Variants in USP25 observed in about 807,000 individuals in gnomAD.
USP25 encodes ubiquitin carboxyl-terminal hydrolase 25.
A neutral mutation model predicts 158.5 loss-of-function variants in USP25; 85 were observed. The observed-to-expected ratio is 0.54, with a 90% CI of 0.45 to 0.64. The LOEUF is 0.64. Among genes scored for constraint, USP25 ranks in the 30% least tolerant of loss-of-function variants. The pLI, the probability that USP25 is intolerant of heterozygous loss-of-function variation, is 0.00. For synonymous variants in USP25, 464 were observed against 460.4 expected (o/e 1.01, Z -0.10); for missense variants, 1,242 against 1,327.3 (o/e 0.94, Z 1.00).
chr21:15,818,122 CATGGCTA>C (rs2037042405), intron 9 of USP25, among the ~76,000 whole-genome samples: 1 of 152,150 alleles, frequency 6.6e-6, no homozygotes, highest in Admixed American at 6.6e-5. Context: ...AGCACTCTGG[CATGGCTA>C]ACTCCCACTC....
At chr21:15,810,658 T>A (rs1358670977) in intron 8 of USP25, among the ~76,000 whole-genome samples, 5 of 152,176 alleles carry the variant, frequency 3.3e-5, no homozygotes, top group African/African-American at 1.2e-4. Flanking sequence ...GTTCCCTCCC[T>A]GGTGAGGGTT....
In USP25 at chr21:15,818,741, T is replaced by G; in HGVS notation, c.975T>G (p.Leu325=). ...ENTEMFGQYP[L]QVNGFKDLHE... ...CTGAAATGTTTGGTCAGTACCCACTTCAGGTCAATGGGTTCAAAGATCTGC... is the reference window on the plus strand; with the variant it reads ...CTGAAATGTTTGGTCAGTACCCACTGCAGGTCAATGGGTTCAAAGATCTGC... The change falls in exon 10 of 26, where the codon CTT becomes CTG. Residue 325 remains leucine (L), a synonymous_variant. Transcript: ENST00000400183. 3 of 1,613,554 alleles carry G rather than the reference T, an allele frequency of 1.9e-6. No individual in the cohort carries two copies. Among genetic ancestry groups the G allele is most frequent in the Non-Finnish European group, 1.7e-6 (2 of 1,179,588 alleles).
chr21:15,795,645 A>G (rs1035544344), intron 5 of USP25, among the ~76,000 whole-genome samples: 8 of 151,452 alleles, frequency 5.3e-5, no homozygotes, highest in African/African-American at 9.7e-5. Flanking sequence ...GCTCTCAATC[A>G]TCTCTCCTTT....
chr21:15,800,065 T>C (rs2036055457), intron 6 of USP25, among the ~76,000 whole-genome samples: 1 of 151,272 alleles, frequency 6.6e-6, no homozygotes, highest in South Asian at 2.1e-4. Context: ...ATTTTTGGTG[T>C]CGCTTTAGTA....
intron 1 of USP25, among the ~76,000 whole-genome samples, chr21:15,738,670 A>C (rs2031748902): frequency 6.6e-6 from 1 of 152,200 alleles, no homozygotes; most frequent in Non-Finnish European, 1.5e-5. Context: ...AAAAGATCAT[A>C]TCATTAAGGG....
At position 15,730,011 on chromosome 21, in the gene USP25, C is replaced by G. The variant is rs919924795; in HGVS notation, c.-383C>G. ...CGGGCGGCCGCTCCCTCCGTCCCCTCTCTCCCTTCCCCAAAGCAGCCCGCG... is the reference window on the plus strand; with the variant it reads ...CGGGCGGCCGCTCCCTCCGTCCCCTGTCTCCCTTCCCCAAAGCAGCCCGCG... On this transcript the variant is annotated 5_prime_UTR_variant, in exon 1 of 26. Coordinates refer to ENST00000400183, the MANE Select transcript of USP25 (RefSeq NM_001283041.3). The G allele has an allele frequency of 6.6e-6, 1 of 151,660 alleles. No homozygotes were observed. The highest frequency in any genetic ancestry group is 2.1e-4 in the South Asian group (1 of 4,832). 9.4% of individuals were successfully genotyped at this position (151,660 alleles called of 1,614,324 possible). A position where few individuals can be genotyped will look rare whatever the true frequency, so the allele number is the denominator to read the frequency against.
At chr21:15,856,516 G>A (rs1020323914) in intron 20 of USP25, among the ~76,000 whole-genome samples, 3 of 151,250 alleles carry the variant, frequency 2.0e-5, no homozygotes, top group Non-Finnish European at 4.4e-5. Flanking sequence ...CTGTCGCCCA[G>A]GCTGGAGTGC....
chr21:15,804,065 G>T (rs1053049204), intron 6 of USP25, among the ~76,000 whole-genome samples: 13 of 152,026 alleles, frequency 8.6e-5, no homozygotes, highest in Non-Finnish European at 1.8e-4. Context: ...AGAATGGCTT[G>T]CCTGGTTTGT....
chr21:15,842,760 G>T (rs1246932225), intron 18 of USP25, among the ~76,000 whole-genome samples: 1 of 152,130 alleles, frequency 6.6e-6, no homozygotes, highest in Non-Finnish European at 1.5e-5. Context: ...CTGTCTTTCT[G>T]CTAGAGAATT....
At chr21:15,827,350 T>G (rs2037561488) in intron 14 of USP25, 147 bp downstream of exon 14, 1 of 721,320 alleles carries the variant, frequency 1.4e-6, no homozygotes, top group Non-Finnish European at 2.2e-6. Flanking sequence ...TAAACTAGTT[T>G]GGCTCCCCAT....
At chr21:15,740,678 A>G (rs55884396) in intron 1 of USP25, among the ~76,000 whole-genome samples, 1,282 of 60,500 alleles carry the variant, frequency 0.021, 40 homozygotes, top group African/African-American at 0.056. Flanking sequence ...TTTTTTTGGT[A>G]TGTGCGTGTG....
At chr21:15,860,494 T>A (rs377379755) in intron 20 of USP25, among the ~76,000 whole-genome samples, 41 of 152,298 alleles carry the variant, frequency 2.7e-4, no homozygotes, top group East Asian at 2.5e-3. Context: ...GGTTTTGATA[T>A]CTGATATTCC....
chr21:15,785,057 G>A (rs781764131), intron 4 of USP25, among the ~76,000 whole-genome samples: 3 of 150,422 alleles, frequency 2.0e-5, no homozygotes, highest in Non-Finnish European at 4.4e-5. Context: ...GTGAAGGAAT[G>A]GACAAAGATA....
chr21:15,773,244 T>C (rs1472833327), intron 3 of USP25: 19 of 152,272 alleles, frequency 1.2e-4, no homozygotes, highest in Admixed American at 1.2e-3. Flanking sequence ...ATATGGTCGT[T>C]CTAGCCACAA....
chr21:15,746,932 T>C (rs2242676), intron 1 of USP25, among the ~76,000 whole-genome samples: 11,433 of 152,242 alleles, frequency 0.075, 495 homozygotes, highest in East Asian at 0.092. Flanking sequence ...AAGCAGTCTT[T>C]TACTACTAAG....
rs180907143 is a variant in USP25, at chr21:15,879,393, T to C, written c.*918T>C. ...ATGGAGGACAATGTTTTGCAATATA[T>C]AAATCATTCTATTTTTGTAAATTGT... On this transcript the variant is annotated 3_prime_UTR_variant, in exon 26 of 26. Coordinates refer to ENST00000400183, the MANE Select transcript of USP25 (RefSeq NM_001283041.3). The C allele has an allele frequency of 1.3e-5, 2 of 152,632 alleles. No individual in the cohort carries two copies. Among genetic ancestry groups the C allele is most frequent in the East Asian group, 3.9e-4 (2 of 5,192 alleles). 9.5% of individuals were successfully genotyped at this position (152,632 alleles called of 1,614,324 possible).
chr21:15,834,983 TA>T (rs2037992858), intron 17 of USP25, among the ~76,000 whole-genome samples: 1 of 152,240 alleles, frequency 6.6e-6, no homozygotes, highest in South Asian at 2.1e-4. Context: ...CTTTCATTTT[TA>T]AAACATTTCT....
intron 1 of USP25, among the ~76,000 whole-genome samples, chr21:15,752,174 C>G (rs2033066137): frequency 6.6e-6 from 1 of 151,726 alleles, no homozygotes; most frequent in African/African-American, 2.4e-5. Flanking sequence ...CTCAGGTGAT[C>G]TGCCTGCCTC....
At position 15,864,257 on chromosome 21, in the gene USP25, G is replaced by T; in HGVS notation, c.2548-11G>T. 1.3e-6 allele frequency: 2 copies of T among 1,585,708 alleles called. No homozygotes were observed. The highest frequency in any genetic ancestry group is 1.7e-6 in the Non-Finnish European group (2 of 1,171,678). ...ATTAACCAAAATTATCATTTTCATTGCATTTTCCAGGCAATTAAGTTGGAA... is the reference window on the plus strand; with the variant it reads ...ATTAACCAAAATTATCATTTTCATTTCATTTTCCAGGCAATTAAGTTGGAA... On this transcript the variant is annotated splice_polypyrimidine_tract_variant and intron_variant, in intron 20 of 25. Coordinates refer to ENST00000400183, the MANE Select transcript of USP25 (RefSeq NM_001283041.3).
Sources: gnomAD v4.1 joint callset for allele counts (sites outside exome capture counted in the v4.1 genomes callset) on GRCh38, gnomAD v4.1.1 for gene constraint, MANE v1.5 for transcripts, NCBI Gene and HGNC (gene_info 2026-07-23, HGNC 2026-07-21) for gene names.